HOXD3: variants seen among roughly 807,000 people sequenced by gnomAD.
The protein encoded by HOXD3 is homeobox D3.
Under a neutral mutation model 32.8 loss-of-function variants are expected in HOXD3, and 13 were observed. The ratio of observed to expected loss-of-function variants is 0.40; its 90% CI spans 0.26 to 0.63. The LOEUF (loss-of-function observed/expected upper bound fraction) is 0.63, where lower values mean the gene tolerates loss of function less well. Among genes scored for constraint, HOXD3 ranks in the 20% least tolerant of loss-of-function variants. The pLI is 0.44. For synonymous variants in HOXD3, 241 were observed against 246.8 expected (o/e 0.98, Z 0.22); for missense variants, 504 against 577.1 (o/e 0.87, Z 1.30).
chr2:176,172,001 C>T lies in HOXD3; in HGVS notation c.1026C>T (p.Asn342=). The part of the protein sequence containing the change: ...PEFEPHPMAS[N]GGGFASANLQ... ...TCGAGCCCCATCCCATGGCGAGCAA[C>T]GGCGGCGGCTTCGCCAGCGCCAACT... The change falls in exon 4 of 4, where the codon AAC becomes AAT. Residue 342 remains asparagine, a synonymous_variant. Transcript: ENST00000683222. 1 of 1,607,144 alleles carries T rather than the reference C, an allele frequency of 6.2e-7. No homozygotes were observed. Among genetic ancestry groups the T allele is most frequent in the Non-Finnish European group, 8.5e-7 (1 of 1,178,706 alleles).
intron 1 of HOXD3, among the ~76,000 whole-genome samples, chr2:176,159,085 A>G (rs959048306): frequency 6.6e-6 from 1 of 152,224 alleles, no homozygotes; most frequent in Non-Finnish European, 1.5e-5. Flanking sequence ...TTATTGCTCT[A>G]TGAACATATG....
At chr2:176,161,439 G>C (rs939906602) in intron 1 of HOXD3, among the ~76,000 whole-genome samples, 10 of 152,308 alleles carry the variant, frequency 6.6e-5, no homozygotes, top group Admixed American at 1.3e-4. Context: ...GCACTTAGGA[G>C]AATGGGCTGA....
intron 1 of HOXD3, among the ~76,000 whole-genome samples, chr2:176,159,886 C>A (rs1245830303): frequency 6.6e-6 from 1 of 152,210 alleles, no homozygotes; most frequent in East Asian, 1.9e-4. Context: ...TCGCACAGAT[C>A]ACGGCGGGCA....
rs768322112 is a variant in HOXD3 at position 176,169,255 on chromosome 2, C to T, written c.141C>T (p.His47=). The T allele has an allele frequency of 1.2e-6, 2 of 1,613,950 alleles. No homozygotes were observed. Among genetic ancestry groups the T allele is most frequent in the Non-Finnish European group, 1.7e-6 (2 of 1,179,968 alleles). Residue 47 remains histidine, a synonymous_variant, in exon 3 of 4, where the codon CAC becomes CAT. Transcript: ENST00000683222. The part of the protein sequence containing the change: ...TTDTYGYSTP[H]QPYPPPAAAS... Reference sequence around the variant, plus strand: ...ACACTTACGGCTACAGCACCCCCCACCAGCCCTACCCACCCCCTGCTGCTG... The same window carrying T: ...ACACTTACGGCTACAGCACCCCCCATCAGCCCTACCCACCCCCTGCTGCTG...
At chr2:176,170,030 A>G (rs1449721606) in intron 3 of HOXD3, among the ~76,000 whole-genome samples, 1 of 152,216 alleles carries the variant, frequency 6.6e-6, no homozygotes, top group East Asian at 1.9e-4. Context: ...AGCCCATATC[A>G]CACGAATCTC....
At position 176,169,488 on chromosome 2, in the gene HOXD3, C is replaced by T. The variant is rs74698314; in HGVS notation, c.374C>T (p.Thr125Ile). 1.2e-6 allele frequency: 2 copies of T among 1,613,802 alleles called. No individual in the cohort carries two copies. The highest frequency in any genetic ancestry group is 2.7e-5 in the African/African-American group (2 of 74,904). ...CCACAACCCCCTCCTCCACCACCGA[C>T]CCTGCCCCCATCTTCACCCACCAAT... ...QPPQPPPPPPTLPPSSPTNPG... is the reference protein window; with the variant it reads ...QPPQPPPPPPILPPSSPTNPG... Residue 125 changes from threonine (T) to isoleucine (I), a missense_variant, in exon 3 of 4, where the codon ACC becomes ATC. Physicochemically the swap from Thr to Ile is moderately conservative, Grantham distance 89 (BLOSUM62 -1). This residue lies in a region of HOXD3 where 181 missense variants were observed against 172.2 expected (regional missense o/e 1.05). Transcript: ENST00000683222.
chr2:176,153,709 G>A (rs1403231082), upstream of HOXD3, among the ~76,000 whole-genome samples: 1 of 152,130 alleles, frequency 6.6e-6, no homozygotes, highest in African/African-American at 2.4e-5. Flanking sequence ...ATGTATATAG[G>A]GGGGCCTTAA....
Position 176,171,861 on chromosome 2 carries a change from G to T in HOXD3, c.886G>T (p.Ala296Ser), listed in dbSNP as rs773384718. Residue 296 changes from alanine to serine, a missense_variant, in exon 4 of 4, where the codon GCG (alanine) becomes TCG (serine). Transcript: ENST00000683222. Reference sequence around the variant, plus strand: ...GCCAGTGCCCGGCCTGGCCTACGACGCGCCCTCGCCGCCTGCTTTCGCCAA... The same window carrying T: ...GCCAGTGCCCGGCCTGGCCTACGACTCGCCCTCGCCGCCTGCTTTCGCCAA... ...LPPVPGLAYD[A>S]PSPPAFAKSQ... 6.2e-7 allele frequency: 1 copy of T among 1,601,250 alleles called. No individual in the cohort carries two copies. The highest frequency in any genetic ancestry group is 1.1e-5 in the South Asian group (1 of 89,164).
In HOXD3 at chr2:176,169,525, A is replaced by T; in HGVS notation, c.411A>T (p.Gly137=). 1.9e-6 allele frequency: 3 copies of T among 1,614,010 alleles called. No individual in the cohort carries two copies. The African/African-American group carries it at 4.0e-5, about 22-fold the overall frequency. The change falls in exon 3 of 4, where the codon GGA becomes GGT. Residue 137 remains glycine (G), a synonymous_variant. Coordinates refer to ENST00000683222, the MANE Select transcript of HOXD3 (RefSeq NM_006898.5). ...CTTCACCCACCAATCCTGGAGGTGGAGTGCCTGCCAAGAAGCCCAAAGGTG... is the reference window on the plus strand; with the variant it reads ...CTTCACCCACCAATCCTGGAGGTGGTGTGCCTGCCAAGAAGCCCAAAGGTG... The part of the protein sequence containing the change: ...PPSSPTNPGG[G]VPAKKPKGGP...
In HOXD3 at chr2:176,172,426, G is replaced by A; in HGVS notation, c.*152G>A. 1.4e-6 allele frequency: 1 copy of A among 708,314 alleles called. No individual in the cohort carries two copies. The highest frequency in any genetic ancestry group is 2.3e-6 in the Non-Finnish European group (1 of 442,088). The allele number at this position is 708,314 out of a possible 1,614,324, so 43.9% of individuals were successfully genotyped here. On this transcript the variant is annotated 3_prime_UTR_variant, in exon 4 of 4. Transcript: ENST00000683222. ...GTCTCAGGCCTCCAGCGGCGGAGGC[G>A]CAGGCGACCGGGCCTCCCCTCCATG...
chr2:176,168,915 T>G, intron 2 of HOXD3, 116 bp from the exon 3 acceptor site: 1 of 661,738 alleles, frequency 1.5e-6, no homozygotes, highest in African/African-American at 1.8e-5. Flanking sequence ...TCCAGCACCT[T>G]GCCCATCTCC....
chr2:176,162,889 G>A (rs1456680201), intron 1 of HOXD3, among the ~76,000 whole-genome samples: 1 of 152,164 alleles, frequency 6.6e-6, no homozygotes, highest in Non-Finnish European at 1.5e-5. Context: ...AAATAATCAA[G>A]CGGCGAAAGT....
At chr2:176,162,865 A>G (rs966246729) in intron 1 of HOXD3, among the ~76,000 whole-genome samples, 4 of 152,218 alleles carry the variant, frequency 2.6e-5, no homozygotes, top group Non-Finnish European at 5.9e-5. Context: ...CTTTTTTAAA[A>G]ATAAATAAAT....
chr2:176,153,690 T>A (rs1690590498), upstream of HOXD3, among the ~76,000 whole-genome samples: 1 of 152,154 alleles, frequency 6.6e-6, no homozygotes, highest in African/African-American at 2.4e-5. Context: ...CCCTCCCCAC[T>A]CTCTGGAAAT....
At chr2:176,155,742 G>T (rs954607816), upstream of HOXD3, among the ~76,000 whole-genome samples, 3 of 152,296 alleles carry the variant, frequency 2.0e-5, no homozygotes, top group Admixed American at 1.3e-4. Context: ...TTTCCAGTTT[G>T]TTCCTTTAAA....
At chr2:176,170,274 C>T (rs1691128595) in intron 3 of HOXD3, among the ~76,000 whole-genome samples, 1 of 152,176 alleles carries the variant, frequency 6.6e-6, no homozygotes, top group South Asian at 2.1e-4. Context: ...TAAGCATAAC[C>T]ATGAGTCTCT....
chr2:176,168,094 T>A (rs928212115), intron 2 of HOXD3, among the ~76,000 whole-genome samples: 3 of 152,040 alleles, frequency 2.0e-5, no homozygotes, highest in Non-Finnish European at 2.9e-5. Context: ...TTAGGAAAAA[T>A]TCCTTCTGAT....
chr2:176,168,999 C>G, intron 2 of HOXD3, 32 bp from the exon 3 acceptor site: 1 of 1,455,786 alleles, frequency 6.9e-7, no homozygotes, highest in African/African-American at 1.4e-5. Flanking sequence ...CAATGACACT[C>G]CCTCTGGGGC....
chr2:176,173,074 T>C lies in HOXD3; in HGVS notation c.*800T>C, dbSNP rs1465084507. 1.3e-5 allele frequency: 2 copies of C among 152,658 alleles called. No homozygotes were observed. Among genetic ancestry groups the C allele is most frequent in the Non-Finnish European group, 2.9e-5 (2 of 68,046 alleles). 9.5% of individuals were successfully genotyped at this position (152,658 alleles called of 1,614,324 possible). On this transcript the variant is annotated 3_prime_UTR_variant, in exon 4 of 4. Coordinates refer to ENST00000683222, the MANE Select transcript of HOXD3 (RefSeq NM_006898.5). ...TTGTCTGGTACTATTGGAACAAATA[T>C]TTAGAATAAAAAAATTTCCCAGTCG...
Sources: allele counts gnomAD v4.1 joint callset (sites outside exome capture counted in the v4.1 genomes callset), GRCh38; gene constraint gnomAD v4.1.1; regional missense constraint gnomAD v4.1.1; transcripts MANE v1.5; gene names NCBI Gene and HGNC (gene_info 2026-07-23, HGNC 2026-07-21).